The following GNB1 variants were observed in gnomAD, a reference collection of about 807,000 sequenced individuals.
GNB1 encodes the protein guanine nucleotide-binding protein G(I)/G(S)/G(T) subunit beta-1.
In GNB1, 2 loss-of-function variants were observed where a neutral mutation model predicts 42.9. That is an observed-to-expected ratio of 0.05 (90% confidence interval 0.02 to 0.15). GNB1 has a LOEUF of 0.15. Ranked by LOEUF, GNB1 falls within the 10% of genes least tolerant of loss-of-function variation. The probability of loss-of-function intolerance (pLI) is 1.00; values close to 1 mark genes in which losing one functional copy is unlikely to be tolerated. For synonymous variants in GNB1, 183 were observed against 174.7 expected, an observed-to-expected ratio of 1.05 and a Z score of -0.38; for missense variants, 193 against 462.2, an observed-to-expected ratio of 0.42 and a Z score of 5.34.
intron 1 of GNB1, among the ~76,000 whole-genome samples, chr1:1,886,450 A>G (rs955992795): frequency 6.6e-6 from 1 of 152,232 alleles, no homozygotes; most frequent in Non-Finnish European, 1.5e-5. Context: ...TCCCTCTCCC[A>G]GAGCAGCTGA....
At chr1:1,807,621 C>CG (rs1646719537) in intron 5 of GNB1, among the ~76,000 whole-genome samples, 1 of 152,050 alleles carries the variant, frequency 6.6e-6, no homozygotes, top group Admixed American at 6.6e-5. Context: ...CCAAAGGAGG[C>CG]GTTCCCTCCT....
chr1:1,879,789 T>G (rs1022974057), intron 1 of GNB1, among the ~76,000 whole-genome samples: 7 of 152,146 alleles, frequency 4.6e-5, no homozygotes, highest in Admixed American at 4.6e-4. Context: ...ACATTTACCT[T>G]GTCTGCCTCA....
intron 1 of GNB1, among the ~76,000 whole-genome samples, chr1:1,885,178 G>A (rs181718773): frequency 8.6e-5 from 13 of 151,200 alleles, no homozygotes; most frequent in African/African-American, 1.7e-4. Context: ...TTTGGGAGGC[G>A]GAGGCGGGCG....
At chr1:1,821,101 C>T (rs1354367759) in intron 3 of GNB1, among the ~76,000 whole-genome samples, 1 of 152,200 alleles carries the variant, frequency 6.6e-6, no homozygotes, top group Non-Finnish European at 1.5e-5. Flanking sequence ...TTGGATTTGT[C>T]AAATGACACA....
intron 1 of GNB1, among the ~76,000 whole-genome samples, chr1:1,845,659 C>T (rs1483692671): frequency 6.6e-5 from 10 of 151,764 alleles, no homozygotes; most frequent in East Asian, 1.9e-4. Flanking sequence ...GCGAAATAAG[C>T]GAAGATATGG....
At chr1:1,858,651 C>T (rs962739099) in intron 1 of GNB1, among the ~76,000 whole-genome samples, 2 of 152,170 alleles carry the variant, frequency 1.3e-5, no homozygotes, top group Admixed American at 1.3e-4. Flanking sequence ...CCTAAGCTCC[C>T]AAAACAAACA....
At position 1,788,954 on chromosome 1, in the gene GNB1, C is replaced by T. The variant is rs952411435; in HGVS notation, c.916+99G>A. ...CTGCTACGCCATGCCACAGTCCCACCGATACTAAAACACTGCAGCTTATGC... is the reference window on the plus strand; with the variant it reads ...CTGCTACGCCATGCCACAGTCCCACTGATACTAAAACACTGCAGCTTATGC... On this transcript the variant is annotated intron_variant, in intron 10 of 11. Transcript: ENST00000378609. 81 of 854,030 alleles carry T rather than the reference C, an allele frequency of 9.5e-5. 1 individual carries two copies. Among genetic ancestry groups the T allele is most frequent in the South Asian group, 3.5e-4 (23 of 65,376 alleles). The allele number at this position is 854,030 out of a possible 1,614,324, so 52.9% of individuals were successfully genotyped here.
intron 7 of GNB1, among the ~76,000 whole-genome samples, chr1:1,801,552 T>C (rs181794847): frequency 7.9e-4 from 121 of 152,246 alleles, no homozygotes; most frequent in African/African-American, 2.7e-3. Context: ...CCGCGAGACA[T>C]TGGGAATGTA....
intron 1 of GNB1, among the ~76,000 whole-genome samples, chr1:1,881,463 G>A (rs990822130): frequency 6.6e-6 from 1 of 151,464 alleles, no homozygotes; most frequent in African/African-American, 2.4e-5. Context: ...ACCCAGGCTA[G>A]GGTGATCTTG....
intron 7 of GNB1, among the ~76,000 whole-genome samples, chr1:1,801,279 C>T (rs186687705): frequency 2.4e-3 from 361 of 152,332 alleles, no homozygotes; most frequent in African/African-American, 8.3e-3. Context: ...CTGCTTGCCT[C>T]GGCCTCCCAA....
chr1:1,862,954 C>T (rs747523275), intron 1 of GNB1, among the ~76,000 whole-genome samples: 7 of 152,126 alleles, frequency 4.6e-5, no homozygotes, highest in Non-Finnish European at 1.0e-4. Flanking sequence ...CATACACACA[C>T]AAGAGGGAAA....
chr1:1,815,544 G>A (rs1646842132), intron 5 of GNB1, among the ~76,000 whole-genome samples: 2 of 152,260 alleles, frequency 1.3e-5, no homozygotes, highest in Admixed American at 6.5e-5. Context: ...AGACAGTGAA[G>A]AAATGGCAGT....
At position 1,789,166 on chromosome 1, in the gene GNB1, T is replaced by A. The variant is rs757342463; in HGVS notation, c.803A>T (p.Asn268Ile). The A allele has an allele frequency of 2.5e-6, 4 of 1,613,990 alleles. No individual in the cohort carries two copies. Among genetic ancestry groups the A allele is most frequent in the Non-Finnish European group, 3.4e-6 (4 of 1,179,854 alleles). Residue 268 changes from asparagine to isoleucine, a missense_variant, in exon 10 of 12, where the codon AAC (asparagine) becomes ATC (isoleucine). Coordinates refer to ENST00000378609, the MANE Select transcript of GNB1 (RefSeq NM_002074.5). ...GACAGAGGTGATCCCGCAGATGATGTTGTCATGGGAGTAAGTCATGAGCTC... is the reference window on the plus strand; with the variant it reads ...GACAGAGGTGATCCCGCAGATGATGATGTCATGGGAGTAAGTCATGAGCTC... Reference protein sequence around the residue: ...DQELMTYSHDNIICGITSVSF... With the variant: ...DQELMTYSHDIIICGITSVSF...
At chr1:1,847,842 A>G (rs1647754130) in intron 1 of GNB1, among the ~76,000 whole-genome samples, 1 of 152,324 alleles carries the variant, frequency 6.6e-6, no homozygotes. Context: ...TTCAAGAGCT[A>G]TTAGACACCA....
intron 1 of GNB1, among the ~76,000 whole-genome samples, chr1:1,852,979 C>G (rs1038768159): frequency 1.4e-4 from 21 of 152,178 alleles, no homozygotes; most frequent in Admixed American, 6.5e-5. Flanking sequence ...TCTGAGGGTT[C>G]AATCCTTTCA....
At chr1:1,870,831 G>C (rs774803909) in intron 1 of GNB1, among the ~76,000 whole-genome samples, 1 of 151,960 alleles carries the variant, frequency 6.6e-6, no homozygotes, top group Non-Finnish European at 1.5e-5. Flanking sequence ...CCAGCTACTC[G>C]GGAGGCTGAG....
intron 2 of GNB1, among the ~76,000 whole-genome samples, chr1:1,831,290 T>C (rs1008821670): frequency 3.9e-5 from 6 of 152,190 alleles, no homozygotes; most frequent in Admixed American, 1.3e-4. Flanking sequence ...TGAGCTATGA[T>C]AGCACCACTG....
At chr1:1,843,846 G>A (rs552400162) in intron 1 of GNB1, among the ~76,000 whole-genome samples, 1 of 152,050 alleles carries the variant, frequency 6.6e-6, no homozygotes, top group Admixed American at 6.6e-5. Context: ...GATCACCTGA[G>A]GTCATGAGTT....
chr1:1,845,928 C>A (rs959918354), intron 1 of GNB1, among the ~76,000 whole-genome samples: 1 of 152,128 alleles, frequency 6.6e-6, no homozygotes, highest in South Asian at 2.1e-4. Flanking sequence ...CCTCTCCACA[C>A]ACAAAGCCCA....
Sources: allele counts gnomAD v4.1 joint callset (sites outside exome capture counted in the v4.1 genomes callset), GRCh38; gene constraint gnomAD v4.1.1; transcripts MANE v1.5; gene names NCBI Gene and HGNC (gene_info 2026-07-23, HGNC 2026-07-21).